Variants in FOXN3 observed in about 807,000 individuals in gnomAD.
The protein encoded by FOXN3 is forkhead box N3.
A neutral mutation model predicts 38.4 loss-of-function variants in FOXN3; 7 were observed. The observed-to-expected ratio is 0.18, with a 90% CI of 0.10 to 0.34. The LOEUF (loss-of-function observed/expected upper bound fraction) is 0.34. Ranked by LOEUF, FOXN3 falls within the 10% of genes least tolerant of loss-of-function variation. FOXN3 has a pLI of 1.00. For missense variants in FOXN3, 456 were observed against 613.4 expected, an observed-to-expected ratio of 0.74 and a Z score of 2.71; for synonymous variants, 230 against 242.2, an observed-to-expected ratio of 0.95 and a Z score of 0.47.
chr14:89,546,639 C>A (rs868837599), intron 1 of FOXN3, among the ~76,000 whole-genome samples: 6 of 151,394 alleles, frequency 4.0e-5, no homozygotes, highest in South Asian at 4.2e-4. Context: ...CCAATAGCTT[C>A]TTTTCTTAAA....
chr14:89,594,004 C>T (rs1015648543), intron 1 of FOXN3, among the ~76,000 whole-genome samples: 1 of 152,214 alleles, frequency 6.6e-6, no homozygotes, highest in Non-Finnish European at 1.5e-5. Context: ...CAATGAGACT[C>T]ATCCAGGTTG....
chr14:89,580,802 G>A (rs575657395), intron 1 of FOXN3, among the ~76,000 whole-genome samples: 2 of 152,304 alleles, frequency 1.3e-5, no homozygotes, highest in African/African-American at 4.8e-5. Context: ...TCACTTAATG[G>A]AAATTTAATT....
At position 89,606,184 on chromosome 14, in the gene FOXN3, T is replaced by C. The variant is rs1158088735; in HGVS notation, c.-15+12844A>G. On this transcript the variant is annotated intron_variant, in intron 1 of 6. Transcript: ENST00000345097. ...CAATAAATTCCTAGAAATGCATAAA[T>C]TGGTAAAATGGATTCACAAAGCAAT... Among the ~76,000 whole-genome samples, 6 of 152,156 alleles carry C rather than the reference T, an allele frequency of 3.9e-5. No homozygotes were observed. The South Asian group carries it at 1.0e-3, about 26-fold the overall frequency.
intron 1 of FOXN3, among the ~76,000 whole-genome samples, chr14:89,467,139 C>T (rs1892987135): frequency 1.3e-5 from 2 of 152,232 alleles, no homozygotes; most frequent in South Asian, 4.1e-4. Context: ...ACACCCCCTT[C>T]TCACGGTGGC....
At chr14:89,252,185 G>A (rs1195293461) in intron 4 of FOXN3, among the ~76,000 whole-genome samples, 6 of 152,192 alleles carry the variant, frequency 3.9e-5, no homozygotes, top group Admixed American at 3.9e-4. Flanking sequence ...AGGTTACTCA[G>A]CTAATAACCT....
At chr14:89,427,961 T>C (rs1388164239) in intron 1 of FOXN3, among the ~76,000 whole-genome samples, 2 of 152,218 alleles carry the variant, frequency 1.3e-5, no homozygotes, top group African/African-American at 4.8e-5. Flanking sequence ...TTTAAGAGAT[T>C]TTATTGTTTT....
chr14:89,574,878 A>T (rs1596322148), intron 1 of FOXN3, among the ~76,000 whole-genome samples: 1 of 127,906 alleles, frequency 7.8e-6, no homozygotes, highest in Non-Finnish European at 1.5e-5. Context: ...TTACAGCTTT[A>T]AAAAAAAAAT....
intron 1 of FOXN3, among the ~76,000 whole-genome samples, chr14:89,438,850 G>A (rs988369923): frequency 1.2e-4 from 18 of 151,372 alleles, no homozygotes; most frequent in African/African-American, 3.4e-4. Flanking sequence ...TGCAACCTCC[G>A]CCTCCCAGGT....
chr14:89,596,693 A>G (rs971929782), intron 1 of FOXN3, among the ~76,000 whole-genome samples: 5 of 152,172 alleles, frequency 3.3e-5, no homozygotes, highest in Non-Finnish European at 5.9e-5. Context: ...GTAATTACAT[A>G]TTCATGAGGA....
rs186481796 is a variant in FOXN3 at position 89,471,732 on chromosome 14, A to C, written c.-14-59242T>G. ...TCTCCTTCAACTACACAGTTGTATTACATTTCCCTGCCTGCCTGAAGTTAG... is the reference window on the plus strand; with the variant it reads ...TCTCCTTCAACTACACAGTTGTATTCCATTTCCCTGCCTGCCTGAAGTTAG... On this transcript the variant is annotated intron_variant, in intron 1 of 6. Coordinates refer to the FOXN3 transcript ENST00000345097. Among the ~76,000 whole-genome samples the C allele has an allele frequency of 2.0e-3, 299 of 152,314 alleles. 13 individuals are homozygous for C. Among genetic ancestry groups the C allele is most frequent in the Admixed American group, 0.019 (285 of 15,300 alleles).
At chr14:89,376,784 C>T (rs139795436) in intron 2 of FOXN3, among the ~76,000 whole-genome samples, 2,111 of 151,944 alleles carry the variant, frequency 0.014, 63 homozygotes, top group African/African-American at 0.049. Context: ...GAGGCTGAAG[C>T]GGGTAGATCA....
chr14:89,257,371 A>T (rs1273674161), intron 4 of FOXN3, among the ~76,000 whole-genome samples: 1 of 152,242 alleles, frequency 6.6e-6, no homozygotes, highest in Non-Finnish European at 1.5e-5. Flanking sequence ...TTCAAATTAG[A>T]GAGTGTGAAG....
At chr14:89,599,188 A>G (rs548597798) in intron 1 of FOXN3, among the ~76,000 whole-genome samples, 1 of 152,326 alleles carries the variant, frequency 6.6e-6, no homozygotes, top group South Asian at 2.1e-4. Flanking sequence ...ACTCTATTGA[A>G]CCAATTCATT....
intron 1 of FOXN3, among the ~76,000 whole-genome samples, chr14:89,617,149 T>A (rs949661820): frequency 2.0e-5 from 3 of 152,222 alleles, no homozygotes; most frequent in African/African-American, 7.2e-5. Flanking sequence ...TTAGATACAA[T>A]CCACTTCCTG....
intron 1 of FOXN3, among the ~76,000 whole-genome samples, chr14:89,569,560 A>C (rs1895447651): frequency 6.6e-6 from 1 of 152,274 alleles, no homozygotes; most frequent in Admixed American, 6.5e-5. Flanking sequence ...CACCACTGAC[A>C]TAGATAATCA....
At chr14:89,584,893 G>A (rs1895813035) in intron 1 of FOXN3, among the ~76,000 whole-genome samples, 1 of 151,906 alleles carries the variant, frequency 6.6e-6, no homozygotes, top group South Asian at 2.1e-4. Context: ...CTGTATTTTT[G>A]TAGAGATGGA....
chr14:89,392,931 C>T (rs374122303), intron 2 of FOXN3, among the ~76,000 whole-genome samples: 2 of 151,760 alleles, frequency 1.3e-5, no homozygotes, highest in African/African-American at 2.4e-5. Context: ...CTCAGCCTCC[C>T]GAGTAGCTGG....
chr14:89,421,042 T>C (rs927225160), upstream of FOXN3, among the ~76,000 whole-genome samples: 28 of 151,226 alleles, frequency 1.9e-4, no homozygotes, highest in Admixed American at 1.7e-3. Flanking sequence ...AAAAAAAAAA[T>C]TGGGGAAAAA....
At chr14:89,594,810 C>T (rs535715004) in intron 1 of FOXN3, among the ~76,000 whole-genome samples, 23 of 152,002 alleles carry the variant, frequency 1.5e-4, no homozygotes, top group Non-Finnish European at 2.8e-4. Context: ...CACCTGAATC[C>T]GGGAGGCAGA....
Sources: gnomAD v4.1 joint callset for allele counts (sites outside exome capture counted in the v4.1 genomes callset) on GRCh38, gnomAD v4.1.1 for gene constraint, MANE v1.5 for transcripts, NCBI Gene and HGNC (gene_info 2026-07-23, HGNC 2026-07-21) for gene names.